Variants in DSTN observed in about 807,000 individuals in gnomAD.
The protein encoded by DSTN is destrin, actin depolymerizing factor.
In DSTN, 10 loss-of-function variants were observed where a neutral mutation model predicts 16.8. That is an observed-to-expected ratio of 0.60 (90% CI 0.37 to 1.01). The LOEUF (loss-of-function observed/expected upper bound fraction) is 1.01, where lower values mean the gene tolerates loss of function less well. Among genes scored for constraint, DSTN ranks in the 50% least tolerant of loss-of-function variants. The probability of loss-of-function intolerance (pLI) is 0.01; values close to 1 mark genes in which losing one functional copy is unlikely to be tolerated. For missense variants in DSTN, 141 were observed against 196.7 expected, an observed-to-expected ratio of 0.72 and a Z score of 1.69; for synonymous variants, 57 against 58.9, an observed-to-expected ratio of 0.97 and a Z score of 0.14.
chr20:17,609,397 A>C lies in DSTN; in HGVS notation c.*2251A>C, dbSNP rs1259163561. ...GATTGTGATTAACAGGCCTCCAGGG[A>C]AGTGCCATAAGCCCAAGACTGCCGT... is the stretch of plus-strand genomic sequence containing the variant. On this transcript the variant is annotated 3_prime_UTR_variant, in exon 4 of 4. Transcript: ENST00000246069. The C allele has an allele frequency of 5.3e-5, 8 of 152,174 alleles. No homozygotes were observed. The allele number at this position is 152,174 out of a possible 1,614,324, so 9.4% of individuals were successfully genotyped here.
chr20:17,589,127 T>C (rs544568789), intron 1 of DSTN, among the ~76,000 whole-genome samples: 4 of 152,278 alleles, frequency 2.6e-5, no homozygotes, highest in South Asian at 2.1e-4. Context: ...GGTGGACTTA[T>C]GTTCTTTTTC....
At chr20:17,591,354 T>TG (rs1463313096) in intron 1 of DSTN, among the ~76,000 whole-genome samples, 2 of 140,386 alleles carry the variant, frequency 1.4e-5, no homozygotes, top group African/African-American at 5.1e-5. Context: ...TTTTTTTTTT[T>TG]GGGCAATCCT....
chr20:17,570,588 C>T (rs1051279346), intron 1 of DSTN, among the ~76,000 whole-genome samples: 1 of 151,974 alleles, frequency 6.6e-6, no homozygotes, highest in African/African-American at 2.4e-5. Context: ...GAGTGGGGGG[C>T]GGGGGGCGTC....
At chr20:17,570,954 C>T (rs1211865192) in intron 1 of DSTN, among the ~76,000 whole-genome samples, 1 of 152,118 alleles carries the variant, frequency 6.6e-6, no homozygotes, top group Non-Finnish European at 1.5e-5. Flanking sequence ...TGGACTCTGC[C>T]AGAACTTGGT....
At chr20:17,606,323 C>T (rs1242625641) in intron 3 of DSTN, among the ~76,000 whole-genome samples, 1 of 152,156 alleles carries the variant, frequency 6.6e-6, no homozygotes, top group East Asian at 1.9e-4. Context: ...CATAATTGAG[C>T]TCGTTTTTGC....
At chr20:17,571,159 C>T (rs1213549379) in intron 1 of DSTN, among the ~76,000 whole-genome samples, 1 of 152,232 alleles carries the variant, frequency 6.6e-6, no homozygotes, top group Non-Finnish European at 1.5e-5. Context: ...AACGTATTCT[C>T]AACTGAACTA....
At chr20:17,580,849 CT>C (rs2035335688) in intron 1 of DSTN, among the ~76,000 whole-genome samples, 1 of 152,008 alleles carries the variant, frequency 6.6e-6, no homozygotes, top group African/African-American at 2.4e-5. Flanking sequence ...CAATAAAGAG[CT>C]AGCTATGTGA....
chr20:17,609,816 AAC>A lies in DSTN; in HGVS notation c.*2675_*2676del, dbSNP rs1419475741. 2 of 150,048 alleles carry A rather than the reference AAC, an allele frequency of 1.3e-5. No individual in the cohort carries two copies. The highest frequency in any genetic ancestry group is 6.7e-5 in the Admixed American group (1 of 14,816). The allele number at this position is 150,048 out of a possible 1,614,324, so 9.3% of individuals were successfully genotyped here. ...ATACGTTTACCTCTTCACAAATGCTAACACACTGCAAAAATATGTTTGTGGAA... is the reference window on the plus strand; with the variant it reads ...ATACGTTTACCTCTTCACAAATGCTAACACTGCAAAAATATGTTTGTGGAA... On this transcript the variant is annotated 3_prime_UTR_variant, in exon 4 of 4. Transcript: ENST00000246069.
intron 1 of DSTN, among the ~76,000 whole-genome samples, chr20:17,594,532 A>G (rs920270337): frequency 1.3e-5 from 2 of 152,192 alleles, no homozygotes; most frequent in Non-Finnish European, 2.9e-5. Context: ...CCAGGACTGG[A>G]AGTAGTTTAC....
At chr20:17,579,728 T>A (rs904542845) in intron 1 of DSTN, among the ~76,000 whole-genome samples, 2 of 152,260 alleles carry the variant, frequency 1.3e-5, no homozygotes, top group Non-Finnish European at 2.9e-5. Context: ...GAATCATTTA[T>A]TTAACTCATT....
At chr20:17,574,734 A>T (rs1404691936) in intron 1 of DSTN, among the ~76,000 whole-genome samples, 1 of 149,208 alleles carries the variant, frequency 6.7e-6, no homozygotes, top group Non-Finnish European at 1.5e-5. Flanking sequence ...TCAAAAAAAA[A>T]AAAAAAAAAA....
chr20:17,577,239 A>G (rs1208444075), intron 1 of DSTN, among the ~76,000 whole-genome samples: 1 of 152,208 alleles, frequency 6.6e-6, no homozygotes, highest in Non-Finnish European at 1.5e-5. Flanking sequence ...ACCTGTAGTA[A>G]TAGAACTAAC....
intron 1 of DSTN, among the ~76,000 whole-genome samples, chr20:17,598,732 A>C (rs2035553746): frequency 6.6e-6 from 1 of 152,078 alleles, no homozygotes; most frequent in Non-Finnish European, 1.5e-5. Flanking sequence ...TTTAGTATTT[A>C]AATTCTATTG....
At chr20:17,605,640 CA>C (rs1434990075) in intron 3 of DSTN, among the ~76,000 whole-genome samples, 2 of 152,166 alleles carry the variant, frequency 1.3e-5, no homozygotes, top group Non-Finnish European at 2.9e-5. Flanking sequence ...TGATGTTTGG[CA>C]ACCCCCAGAA....
chr20:17,600,838 C>G lies in DSTN; in HGVS notation c.104C>G (p.Ala35Gly). 2 of 1,613,782 alleles carry G rather than the reference C, an allele frequency of 1.2e-6. No individual in the cohort carries two copies. Among genetic ancestry groups the G allele is most frequent in the Non-Finnish European group, 1.7e-6 (2 of 1,179,802 alleles). The change falls in exon 2 of 4, where the codon GCT becomes GGT. Residue 35 changes from alanine to glycine, a missense_variant. Physicochemically the swap from Ala to Gly is moderately conservative, Grantham distance 60 (BLOSUM62 0). Transcript: ENST00000246069. The part of the protein sequence containing the change: ...TPEEIKKRKK[A>G]VIFCLSADKK... ...GAAGAAATCAAGAAAAGAAAGAAGG[C>G]TGTCATTTTTTGTCTCAGTGCAGAC... is the stretch of plus-strand genomic sequence containing the variant.
At chr20:17,573,110 G>A (rs1472237211) in intron 1 of DSTN, among the ~76,000 whole-genome samples, 1 of 152,292 alleles carries the variant, frequency 6.6e-6, no homozygotes, top group Admixed American at 6.5e-5. Flanking sequence ...CGGTGGGGTG[G>A]ATTAACCATC....
chr20:17,576,086 TTATTCATCTCAGTAA>T (rs2035275486), intron 1 of DSTN: 1 of 152,248 alleles, frequency 6.6e-6, no homozygotes, highest in Non-Finnish European at 1.5e-5. Context: ...AACATCGGTT[TTATTCATCTCAGTAA>T]TACTTTGGGC....
intron 3 of DSTN, chr20:17,605,237 T>A: frequency 2.2e-6 from 1 of 454,764 alleles, no homozygotes; most frequent in South Asian, 1.6e-5. Flanking sequence ...AGAACGTGCA[T>A]GGGGCAAGTG....
intron 1 of DSTN, among the ~76,000 whole-genome samples, chr20:17,574,044 T>A (rs2035238570): frequency 6.6e-6 from 1 of 151,898 alleles, no homozygotes; most frequent in Non-Finnish European, 1.5e-5. Flanking sequence ...AACAAAAAAA[T>A]TAAATAAAAA....
Sources: allele counts gnomAD v4.1 joint callset (sites outside exome capture counted in the v4.1 genomes callset), GRCh38; gene constraint gnomAD v4.1.1; transcripts MANE v1.5; gene names NCBI Gene and HGNC (gene_info 2026-07-23, HGNC 2026-07-21).